Variants in C1QTNF3 observed in about 807,000 individuals in gnomAD.
The protein encoded by C1QTNF3 is complement C1q tumor necrosis factor-related protein 3.
In C1QTNF3, 26 loss-of-function variants were observed where a neutral mutation model predicts 32.6. The ratio of observed to expected loss-of-function variants is 0.80; its 90% CI spans 0.58 to 1.11. C1QTNF3 has a LOEUF of 1.11. Ranked by LOEUF, C1QTNF3 falls within the 50% of genes least tolerant of loss-of-function variation. The pLI is 0.00. For synonymous variants in C1QTNF3, 155 were observed against 146.0 expected (o/e 1.06, Z -0.44); for missense variants, 362 against 398.2 (o/e 0.91, Z 0.77).
the C1QTNF3 span, among the ~76,000 whole-genome samples, chr5:34,229,020 C>CTA: frequency 6.6e-6 from 1 of 151,700 alleles, no homozygotes. Flanking sequence ...AATAATTGGA[C>CTA]TATTTATTGT....
chr5:34,143,295 T>C, the C1QTNF3 span, among the ~76,000 whole-genome samples: 2 of 152,100 alleles, frequency 1.3e-5, no homozygotes, highest in Non-Finnish European at 2.9e-5. Context: ...GGAGATCAAA[T>C]ATATGACTCA....
At chr5:34,166,827 C>T in the C1QTNF3 span, 1 of 151,256 alleles carries the variant, frequency 6.6e-6, no homozygotes, top group African/African-American at 2.4e-5. Context: ...TGATCGGTTA[C>T]TTGGGTTGTA....
the C1QTNF3 span, among the ~76,000 whole-genome samples, chr5:34,144,084 C>T: frequency 6.6e-5 from 10 of 151,774 alleles, no homozygotes; most frequent in South Asian, 4.2e-4. Flanking sequence ...AATGATCTAC[C>T]AAGCAAAAGG....
the C1QTNF3 span, among the ~76,000 whole-genome samples, chr5:34,078,347 T>G: frequency 6.6e-6 from 1 of 151,790 alleles, no homozygotes; most frequent in African/African-American, 2.4e-5. The surrounding 1 kb of genome is among the most constrained non-coding windows in gnomAD (Gnocchi z 4.0). Flanking sequence ...TGAGACTGGG[T>G]CATTTGAAAA....
At chr5:34,133,379 A>G in the C1QTNF3 span, among the ~76,000 whole-genome samples, 3 of 152,018 alleles carry the variant, frequency 2.0e-5, no homozygotes, top group Admixed American at 6.6e-5. Context: ...CCTTTTTCCT[A>G]TTTTTTCTTG....
At chr5:34,225,738 C>G in the C1QTNF3 span, among the ~76,000 whole-genome samples, 2 of 151,800 alleles carry the variant, frequency 1.3e-5, no homozygotes, top group Non-Finnish European at 2.9e-5. Context: ...TGTCTTTCCA[C>G]CTGATCTTAA....
At chr5:34,221,913 T>C in the C1QTNF3 span, among the ~76,000 whole-genome samples, 20 of 152,162 alleles carry the variant, frequency 1.3e-4, no homozygotes, top group South Asian at 3.9e-3. Flanking sequence ...TCATATGCCA[T>C]GCCCAGCAAT....
chr5:34,220,430 C>T, the C1QTNF3 span, among the ~76,000 whole-genome samples: 1 of 151,558 alleles, frequency 6.6e-6, no homozygotes, highest in African/African-American at 2.4e-5. Flanking sequence ...CCAGACAAAC[C>T]CAAGTCTTCC....
At chr5:34,220,974 T>C in the C1QTNF3 span, among the ~76,000 whole-genome samples, 1 of 152,092 alleles carries the variant, frequency 6.6e-6, no homozygotes, top group Admixed American at 6.6e-5. Flanking sequence ...AGCCAGACAA[T>C]GGTTACAGCT....
At chr5:34,096,937 CT>C in the C1QTNF3 span, among the ~76,000 whole-genome samples, 1 of 150,242 alleles carries the variant, frequency 6.7e-6, no homozygotes. Context: ...AAGAAGGACT[CT>C]GATATTCAGT....
At chr5:34,059,488 T>C in the C1QTNF3 span, among the ~76,000 whole-genome samples, 1 of 152,278 alleles carries the variant, frequency 6.6e-6, no homozygotes, top group East Asian at 1.9e-4. Context: ...CACCATCAGA[T>C]TCAGTATCTG....
In C1QTNF3 at chr5:34,043,207, T is replaced by A. The variant is rs1277539277; in HGVS notation, c.-82A>T. 3.5e-6 allele frequency: 5 copies of A among 1,431,090 alleles called. No homozygotes were observed. The highest frequency in any genetic ancestry group is 2.1e-5 in the Admixed American group (1 of 48,398). 88.6% of individuals were successfully genotyped at this position (1,431,090 alleles called of 1,614,324 possible). On this transcript the variant is annotated 5_prime_UTR_variant, in exon 1 of 6. Coordinates refer to ENST00000382065, the MANE Select transcript of C1QTNF3 (RefSeq NM_181435.6). ...GGTCTCCTCGGGCAGATGCCAGGAC[T>A]GGAGCTGAGAGCTGCAGCGGCGGAG...
chr5:34,221,781 G>A, the C1QTNF3 span, among the ~76,000 whole-genome samples: 1 of 152,018 alleles, frequency 6.6e-6, no homozygotes, highest in African/African-American at 2.4e-5. Context: ...TGTAGAAAAT[G>A]ACTTTTCTAA....
intron 4 of C1QTNF3, among the ~76,000 whole-genome samples, chr5:34,025,474 C>G (rs932023141): frequency 6.6e-6 from 1 of 152,168 alleles, no homozygotes; most frequent in Non-Finnish European, 1.5e-5. Flanking sequence ...GTATTATACC[C>G]ACATGTGGCT....
At position 34,019,400 on chromosome 5, in the gene C1QTNF3, T is replaced by C. The variant is rs1754272164; in HGVS notation, c.*1183A>G. 6.6e-6 allele frequency: 1 copy of C among 152,256 alleles called. No individual in the cohort carries two copies. Among genetic ancestry groups the C allele is most frequent in the Non-Finnish European group, 1.5e-5 (1 of 68,042 alleles). 9.4% of individuals were successfully genotyped at this position (152,256 alleles called of 1,614,324 possible). A position where few individuals can be genotyped will look rare whatever the true frequency, so the allele number is the denominator to read the frequency against. The stretch of plus-strand genomic sequence containing the variant: ...GTGTCACTAAGGTGAAAACTTAGAA[T>C]TTAAGCATGAACATTACAAAGACTT... On this transcript the variant is annotated 3_prime_UTR_variant, in exon 6 of 6. Coordinates refer to ENST00000382065, the MANE Select transcript of C1QTNF3 (RefSeq NM_181435.6).
At chr5:34,174,527 C>A in the C1QTNF3 span, among the ~76,000 whole-genome samples, 2 of 152,116 alleles carry the variant, frequency 1.3e-5, no homozygotes, top group Admixed American at 1.3e-4. Context: ...CATCCCTTTT[C>A]CATTCTCACT....
the C1QTNF3 span, among the ~76,000 whole-genome samples, chr5:34,185,275 G>A: frequency 1.3e-5 from 2 of 152,070 alleles, no homozygotes; most frequent in African/African-American, 2.4e-5. Context: ...CAGGGGAATC[G>A]CTTGAACCCA....
chr5:34,212,124 G>A, the C1QTNF3 span, among the ~76,000 whole-genome samples: 1 of 151,818 alleles, frequency 6.6e-6, no homozygotes, highest in Non-Finnish European at 1.5e-5. Context: ...TCTCATCTTT[G>A]ACAAACCTGA....
At chr5:34,033,135 G>T (rs1754656696) in intron 3 of C1QTNF3, 169 bp downstream of exon 3, 1 of 662,428 alleles carries the variant, frequency 1.5e-6, no homozygotes, top group Admixed American at 3.5e-5. Context: ...CCTCCTTTTG[G>T]ACAGTATGGG....
Sources: gnomAD v4.1 joint callset for allele counts (sites outside exome capture counted in the v4.1 genomes callset) on GRCh38, gnomAD v4.1.1 for gene constraint, Gnocchi (gnomAD v3.1) non-coding constraint, MANE v1.5 for transcripts, NCBI Gene and HGNC (gene_info 2026-07-23, HGNC 2026-07-21) for gene names.